Variants in LAMA1 observed in about 807,000 individuals in gnomAD.
LAMA1 encodes the protein laminin subunit alpha 1, also known as laminin subunit alpha-1.
A neutral mutation model predicts 348.7 loss-of-function variants in LAMA1; 219 were observed. The ratio of observed to expected loss-of-function variants is 0.63; its 90% CI spans 0.56 to 0.70. The LOEUF is 0.70. Ranked by LOEUF, LAMA1 falls within the 30% of genes least tolerant of loss-of-function variation. LAMA1 has a pLI of 0.00. For missense variants in LAMA1, 3,744 were observed against 3,888.0 expected, an observed-to-expected ratio of 0.96 and a Z score of 0.99; for synonymous variants, 1,487 against 1,491.0, an observed-to-expected ratio of 1.00 and a Z score of 0.06.
chr18:7,016,645 G>T lies in LAMA1; in HGVS notation c.2835C>A (p.Gly945=), dbSNP rs1433859017. 6.2e-7 allele frequency: 1 copy of T among 1,613,658 alleles called. No individual in the cohort carries two copies. Among genetic ancestry groups the T allele is most frequent in the African/African-American group, 1.3e-5 (1 of 74,918 alleles). ...CLHGYYGLDS[G]HGCRPCNCSV... The stretch of plus-strand genomic sequence containing the variant: ...TGCAGTTGCAGGGCCGGCAGCCATG[G>T]CCTGAGTCCAGCCCATAATAGCCAT... Residue 945 remains glycine (G), a synonymous_variant, in exon 21 of 63, where the codon GGC becomes GGA. Coordinates refer to ENST00000389658, the MANE Select transcript of LAMA1 (RefSeq NM_005559.4).
At chr18:7,053,228 G>A (rs61042827) in intron 3 of LAMA1, among the ~76,000 whole-genome samples, 2,468 of 152,152 alleles carry the variant, frequency 0.016, 56 homozygotes, top group African/African-American at 0.056. Context: ...TTTTTAGGGC[G>A]GTGAAACCAC....
chr18:6,994,304 C>T (rs1423478651), intron 34 of LAMA1, among the ~76,000 whole-genome samples: 2 of 152,214 alleles, frequency 1.3e-5, no homozygotes, highest in African/African-American at 4.8e-5. Flanking sequence ...AGGAAGTCAG[C>T]AGCCCAGAGG....
At chr18:7,019,767 C>T (rs1338556478) in intron 19 of LAMA1, among the ~76,000 whole-genome samples, 2 of 150,784 alleles carry the variant, frequency 1.3e-5, no homozygotes. Context: ...CTGCCACCTC[C>T]GCCTCCCAGG....
chr18:6,962,372 A>T (rs994979915), intron 51 of LAMA1, among the ~76,000 whole-genome samples: 1 of 139,414 alleles, frequency 7.2e-6, no homozygotes, highest in African/African-American at 2.7e-5. Context: ...TGATTGTTCC[A>T]CTGCACTCCA....
Position 7,015,807 on chromosome 18 carries a change from C to A in LAMA1, c.3041G>T (p.Cys1014Phe). Reference protein sequence around the residue: ...QNTCDPETGECVCPPHTQGVK... With the variant: ...QNTCDPETGEFVCPPHTQGVK... ...ACCCTGTGTGTGAGGGGGGCAGACACACTCTCCAGTTTCTGGGTCGCAGGT... is the reference window on the plus strand; with the variant it reads ...ACCCTGTGTGTGAGGGGGGCAGACAAACTCTCCAGTTTCTGGGTCGCAGGT... The change falls in exon 22 of 63, where the codon TGT becomes TTT. Residue 1014 changes from cysteine (C) to phenylalanine (F), a missense_variant. Coordinates refer to ENST00000389658, the MANE Select transcript of LAMA1 (RefSeq NM_005559.4). 6.2e-7 allele frequency: 1 copy of A among 1,614,164 alleles called. No homozygotes were observed. The highest frequency in any genetic ancestry group is 1.3e-5 in the African/African-American group (1 of 75,034).
intron 31 of LAMA1, 30 bp downstream of exon 31, chr18:6,999,881 G>A: frequency 6.3e-7 from 1 of 1,586,438 alleles, no homozygotes; most frequent in Non-Finnish European, 8.7e-7. Flanking sequence ...GAGTGCCCAG[G>A]GATTTCCACA....
intron 51 of LAMA1, among the ~76,000 whole-genome samples, chr18:6,963,190 AC>A (rs2057616350): frequency 6.6e-6 from 1 of 152,022 alleles, no homozygotes; most frequent in African/African-American, 2.4e-5. Flanking sequence ...CTTTGATGAC[AC>A]CTAAGTCCCT....
intron 51 of LAMA1, among the ~76,000 whole-genome samples, chr18:6,962,291 TG>T (rs2057611932): frequency 6.6e-6 from 1 of 151,812 alleles, no homozygotes; most frequent in African/African-American, 2.4e-5. Context: ...CATGGTAGCA[TG>T]CACTTGTAGT....
chr18:7,100,591 T>C (rs1197369708), intron 1 of LAMA1, among the ~76,000 whole-genome samples: 2 of 152,042 alleles, frequency 1.3e-5, no homozygotes, highest in African/African-American at 4.8e-5. Flanking sequence ...AACTGATGAC[T>C]GAATAAATAA....
At chr18:7,097,036 G>A (rs1258980666) in intron 1 of LAMA1, among the ~76,000 whole-genome samples, 1 of 151,258 alleles carries the variant, frequency 6.6e-6, no homozygotes, top group African/African-American at 2.4e-5. Flanking sequence ...CAGAGCAGAA[G>A]CACATGCCTA....
intron 1 of LAMA1, among the ~76,000 whole-genome samples, chr18:7,110,052 G>A (rs549337354): frequency 2.0e-4 from 30 of 152,124 alleles, no homozygotes; most frequent in East Asian, 1.2e-3. Flanking sequence ...GTAGTGGCGC[G>A]CACCTGTGAT....
chr18:6,962,095 G>A, intron 51 of LAMA1, 36 bp from the exon 52 acceptor site: 18 of 1,526,622 alleles, frequency 1.2e-5, no homozygotes, highest in Non-Finnish European at 1.6e-5. Flanking sequence ...CACAAAATTT[G>A]GGTTTTTAAA....
chr18:7,098,188 T>TCGG (rs1157001066), intron 1 of LAMA1, among the ~76,000 whole-genome samples: 17 of 151,908 alleles, frequency 1.1e-4, no homozygotes, highest in Non-Finnish European at 1.8e-4. Flanking sequence ...TGGCGTGATC[T>TCGG]CGGCTCGCTA....
chr18:7,029,977 G>GA (rs528720316), intron 16 of LAMA1, among the ~76,000 whole-genome samples: 3,255 of 145,706 alleles, frequency 0.022, 98 homozygotes, highest in African/African-American at 0.072. Context: ...CAATATATTA[G>GA]AAAAAAAAAA....
intron 33 of LAMA1, 33 bp from the exon 34 acceptor site, chr18:6,995,479 T>G (rs1568023099): frequency 8.8e-7 from 1 of 1,135,638 alleles, no homozygotes; most frequent in Non-Finnish European, 1.3e-6. Context: ...ATTACAATGC[T>G]TCGAAGTAAA....
rs2058357501 is a variant in LAMA1 at position 7,116,601 on chromosome 18, T to A, written c.61+1059A>T. On this transcript the variant is annotated intron_variant, in intron 1 of 62. Transcript: ENST00000389658. ...TCCGCCCACTACTTTTGACTCGAAT[T>A]TTTTTTTAATGAAGTTTATATTCGT... Among the ~76,000 whole-genome samples, 2 of 152,022 alleles carry A rather than the reference T, an allele frequency of 1.3e-5. 1 individual carries two copies. Among genetic ancestry groups the A allele is most frequent in the South Asian group, 4.1e-4 (2 of 4,826 alleles).
At chr18:6,987,515 C>T (rs2057740580) in intron 36 of LAMA1, among the ~76,000 whole-genome samples, 1 of 152,142 alleles carries the variant, frequency 6.6e-6, no homozygotes. Flanking sequence ...TATAAATATG[C>T]CATCAAATTG....
intron 61 of LAMA1, 42 bp from the exon 62 acceptor site, chr18:6,943,444 A>C: frequency 6.7e-7 from 1 of 1,501,852 alleles, no homozygotes; most frequent in Non-Finnish European, 9.3e-7. Flanking sequence ...TATTTAAGGA[A>C]CACAGTCCAT....
rs543432434 is a variant in LAMA1, at chr18:7,011,448, C to A, written c.3539G>T (p.Arg1180Leu). The change falls in exon 25 of 63, where the codon CGT (arginine) becomes CTT (leucine). Residue 1180 changes from arginine to leucine, a missense_variant. By Grantham distance (102) the Arg-to-Leu change is moderately radical. Around this residue, in one of 3 missense-constraint regions of LAMA1, gnomAD observed 1,529 missense variants for 1,689.4 expected, o/e 0.91. Transcript: ENST00000389658. ...VTLGSDQPLLRVVSQSNLRGT... is the reference protein window; with the variant it reads ...VTLGSDQPLLLVVSQSNLRGT... ...CCTCAAGTTACTCTGAGAAACCACA[C>A]GCAGAAGAGGCTGATCGGAGCCCAG... The A allele has an allele frequency of 9.3e-6, 15 of 1,608,032 alleles. No individual in the cohort carries two copies. Among genetic ancestry groups the A allele is most frequent in the African/African-American group, 1.3e-5 (1 of 74,874 alleles).
Sources: allele counts gnomAD v4.1 joint callset (sites outside exome capture counted in the v4.1 genomes callset), GRCh38; gene constraint gnomAD v4.1.1; regional missense constraint gnomAD v4.1.1; transcripts MANE v1.5; gene names NCBI Gene and HGNC (gene_info 2026-07-23, HGNC 2026-07-21).